GALNT17: variants seen among roughly 807,000 people sequenced by gnomAD.
GALNT17 encodes polypeptide N-acetylgalactosaminyltransferase 17.
In GALNT17, 29 loss-of-function variants were observed where a neutral mutation model predicts 63.7. The ratio of observed to expected loss-of-function variants is 0.46; its 90% CI spans 0.34 to 0.62. The LOEUF (loss-of-function observed/expected upper bound fraction) is 0.62, where lower values mean the gene tolerates loss of function less well. Ranked by LOEUF, GALNT17 falls within the 20% of genes least tolerant of loss-of-function variation. The pLI, the probability that GALNT17 is intolerant of heterozygous loss-of-function variation, is 0.01. For synonymous variants in GALNT17, 305 were observed against 318.3 expected (o/e 0.96, Z 0.45); for missense variants, 603 against 799.6 (o/e 0.75, Z 2.97).
intron 5 of GALNT17, among the ~76,000 whole-genome samples, chr7:71,429,755 G>A (rs1786825628): frequency 6.6e-6 from 1 of 152,066 alleles, no homozygotes; most frequent in South Asian, 2.1e-4. Context: ...CTCCCAGGCT[G>A]GAGTGCAGTG....
chr7:71,171,188 C>T (rs1788540817), intron 1 of GALNT17, among the ~76,000 whole-genome samples: 1 of 152,152 alleles, frequency 6.6e-6, no homozygotes, highest in South Asian at 2.1e-4. Context: ...GTTCAGTTTT[C>T]TGTGCTTTGT....
intron 2 of GALNT17, among the ~76,000 whole-genome samples, chr7:71,368,716 C>A (rs55846443): frequency 6.6e-6 from 1 of 152,030 alleles, no homozygotes; most frequent in Non-Finnish European, 1.5e-5. Context: ...TTTGCTTGCC[C>A]ATAATTGATG....
chr7:71,457,314 C>G (rs1385101879), intron 5 of GALNT17, among the ~76,000 whole-genome samples: 1 of 152,128 alleles, frequency 6.6e-6, no homozygotes, highest in Non-Finnish European at 1.5e-5. Context: ...AGCAGGTTTG[C>G]CTGATGTAGT....
At chr7:71,632,350 C>G (rs1423692208) in intron 6 of GALNT17, among the ~76,000 whole-genome samples, 1 of 152,120 alleles carries the variant, frequency 6.6e-6, no homozygotes, top group East Asian at 1.9e-4. Flanking sequence ...TGCATTCATT[C>G]CTGTGATATG....
chr7:71,316,473 G>A (rs1391382086), intron 1 of GALNT17, among the ~76,000 whole-genome samples: 2 of 152,144 alleles, frequency 1.3e-5, no homozygotes, highest in Non-Finnish European at 2.9e-5. Context: ...TCAATTATTT[G>A]TTGGTCTTGC....
At chr7:71,162,075 T>TCTTTCCTTCCTC (rs1788353009) in intron 1 of GALNT17, among the ~76,000 whole-genome samples, 1 of 104,648 alleles carries the variant, frequency 9.6e-6, no homozygotes, top group Non-Finnish European at 1.9e-5. Context: ...CTTCCTTCCT[T>TCTTTCCTTCCTC]CCTTCTTTCC....
At chr7:71,345,759 C>T (rs569211355) in intron 2 of GALNT17, among the ~76,000 whole-genome samples, 50 of 152,204 alleles carry the variant, frequency 3.3e-4, no homozygotes, top group Non-Finnish European at 6.5e-4. Context: ...AGTTTCCCTC[C>T]GCTGTGAAAA....
chr7:71,159,727 C>T (rs1788306288), intron 1 of GALNT17, among the ~76,000 whole-genome samples: 1 of 149,296 alleles, frequency 6.7e-6, no homozygotes, highest in Non-Finnish European at 1.5e-5. Flanking sequence ...CTGTGTGTTA[C>T]AGAGATGGAG....
intron 1 of GALNT17, among the ~76,000 whole-genome samples, chr7:71,224,608 CACG>C (rs1266705523): frequency 2.6e-5 from 4 of 152,164 alleles, no homozygotes; most frequent in Non-Finnish European, 1.5e-5. Context: ...GCCAGCAAAC[CACG>C]AGAACACCTT....
chr7:71,185,609 G>A (rs147461186), intron 1 of GALNT17, among the ~76,000 whole-genome samples: 3,350 of 146,326 alleles, frequency 0.023, 137 homozygotes, highest in East Asian at 0.11. Context: ...CTGGGTTCAC[G>A]CCATTCTCCT....
At chr7:71,213,778 C>T (rs574816965) in intron 1 of GALNT17, among the ~76,000 whole-genome samples, 90 of 152,248 alleles carry the variant, frequency 5.9e-4, no homozygotes, top group African/African-American at 2.1e-3. Context: ...ATTCTTTTGA[C>T]ATCTCTTTCC....
At chr7:71,232,680 C>T (rs1009778183) in intron 1 of GALNT17, among the ~76,000 whole-genome samples, 3 of 152,146 alleles carry the variant, frequency 2.0e-5, no homozygotes, top group Admixed American at 2.0e-4. Flanking sequence ...AGCAGGGCTG[C>T]CCCATAGGCA....
intron 6 of GALNT17, among the ~76,000 whole-genome samples, chr7:71,607,266 G>T (rs1273065611): frequency 2.0e-5 from 3 of 152,142 alleles, no homozygotes; most frequent in African/African-American, 7.2e-5. Flanking sequence ...GAAACTAAAG[G>T]AGTTCATCAT....
chr7:71,651,040 C>T (rs902657237), intron 6 of GALNT17, among the ~76,000 whole-genome samples: 1 of 151,808 alleles, frequency 6.6e-6, no homozygotes, highest in Non-Finnish European at 1.5e-5. Flanking sequence ...GCTGGGAATA[C>T]CAAGAATAAT....
chr7:71,609,432 G>A (rs1197658281), intron 6 of GALNT17, among the ~76,000 whole-genome samples: 1 of 152,194 alleles, frequency 6.6e-6, no homozygotes. Context: ...AGGCGAATGG[G>A]AGTTGCAACA....
chr7:71,479,368 A>G (rs1787776996), intron 5 of GALNT17, among the ~76,000 whole-genome samples: 1 of 152,178 alleles, frequency 6.6e-6, no homozygotes, highest in Non-Finnish European at 1.5e-5. Flanking sequence ...GGTTTCAGGT[A>G]GGCTCTGCCT....
intron 1 of GALNT17, among the ~76,000 whole-genome samples, chr7:71,156,935 TTTTA>T (rs1318843913): frequency 9.9e-5 from 15 of 151,432 alleles, no homozygotes; most frequent in Admixed American, 1.3e-4. Flanking sequence ...TCTTAATATA[TTTTA>T]TTTATGTATT....
intron 6 of GALNT17, among the ~76,000 whole-genome samples, chr7:71,587,514 T>A (rs1321087229): frequency 6.6e-6 from 1 of 152,172 alleles, no homozygotes; most frequent in East Asian, 1.9e-4. Context: ...CTGGGTACTA[T>A]TACTTTTTCA....
At chr7:71,378,820 CA>C (rs1214924838) in intron 2 of GALNT17, among the ~76,000 whole-genome samples, 21 of 144,842 alleles carry the variant, frequency 1.4e-4, no homozygotes, top group Admixed American at 2.1e-4. Flanking sequence ...CCCATCTCTA[CA>C]AAAAAAAAAT....
Sources: allele counts gnomAD v4.1 joint callset (sites outside exome capture counted in the v4.1 genomes callset), GRCh38; gene constraint gnomAD v4.1.1; transcripts MANE v1.5; gene names NCBI Gene and HGNC (gene_info 2026-07-23, HGNC 2026-07-21).